The following HIVEP3 variants were observed in gnomAD, a reference collection of about 807,000 sequenced individuals.
HIVEP3 encodes transcription factor HIVEP3.
A neutral mutation model predicts 152.8 loss-of-function variants in HIVEP3; 49 were observed. The observed-to-expected ratio is 0.32, with a 90% CI of 0.26 to 0.41. HIVEP3 has a LOEUF of 0.41. HIVEP3 is among the 10% of genes least tolerant of loss of function. HIVEP3 has a pLI of 1.00. For synonymous variants in HIVEP3, 1,269 were observed against 1,289.0 expected, an observed-to-expected ratio of 0.98 and a Z score of 0.33; for missense variants, 2,790 against 3,103.3, an observed-to-expected ratio of 0.90 and a Z score of 2.40.
At chr1:41,964,628 C>T (rs931114593) in intron 1 of HIVEP3, among the ~76,000 whole-genome samples, 4 of 152,186 alleles carry the variant, frequency 2.6e-5, no homozygotes, top group Non-Finnish European at 4.4e-5. Context: ...GGAATTCCCC[C>T]ACAGGTGCAG....
At chr1:41,903,428 G>A (rs1644657695) in intron 1 of HIVEP3, among the ~76,000 whole-genome samples, 1 of 152,204 alleles carries the variant, frequency 6.6e-6, no homozygotes, top group Non-Finnish European at 1.5e-5. Flanking sequence ...AACAGGAGGT[G>A]ATGTGTGCAA....
At chr1:41,575,438 T>C in intron 5 of HIVEP3, 106 bp downstream of exon 5, 1 of 1,223,416 alleles carries the variant, frequency 8.2e-7, no homozygotes, top group Non-Finnish European at 1.2e-6. Flanking sequence ...ACAGGGCACC[T>C]GTGGGCAGAG....
At chr1:41,597,275 C>G (rs1644681025) in intron 3 of HIVEP3, among the ~76,000 whole-genome samples, 1 of 152,190 alleles carries the variant, frequency 6.6e-6, no homozygotes, top group Non-Finnish European at 1.5e-5. Flanking sequence ...TCTCCTGTGA[C>G]ATCCCCATAG....
At chr1:41,595,836 T>C (rs979401538) in intron 3 of HIVEP3, among the ~76,000 whole-genome samples, 6 of 152,178 alleles carry the variant, frequency 3.9e-5, no homozygotes, top group South Asian at 2.1e-4. Context: ...CCCTCAAACA[T>C]TGGACGCCAA....
chr1:41,941,827 G>A (rs1462075975), intron 1 of HIVEP3, among the ~76,000 whole-genome samples: 2 of 152,152 alleles, frequency 1.3e-5, no homozygotes, highest in Non-Finnish European at 2.9e-5. Context: ...GATCAGGGCT[G>A]GGGCCTGAAC....
intron 1 of HIVEP3, among the ~76,000 whole-genome samples, chr1:41,927,807 G>C (rs1570817771): frequency 6.6e-6 from 1 of 152,066 alleles, no homozygotes; most frequent in Non-Finnish European, 1.5e-5. Context: ...CACGCCTATA[G>C]TCCCAGCACT....
chr1:41,912,877 T>G (rs543203667), intron 1 of HIVEP3, among the ~76,000 whole-genome samples: 1 of 152,342 alleles, frequency 6.6e-6, no homozygotes, highest in South Asian at 2.1e-4. Flanking sequence ...GCTGCACACA[T>G]GTGCAATTTT....
At chr1:41,855,522 C>T (rs1312980447) in intron 1 of HIVEP3, among the ~76,000 whole-genome samples, 2 of 152,088 alleles carry the variant, frequency 1.3e-5, no homozygotes, top group Admixed American at 1.3e-4. Context: ...ACAAACAACC[C>T]CATCAAAAAG....
intron 1 of HIVEP3, among the ~76,000 whole-genome samples, chr1:41,924,003 CT>C (rs1644954225): frequency 6.6e-6 from 1 of 152,040 alleles, no homozygotes; most frequent in Non-Finnish European, 1.5e-5. Context: ...TATCTACCCC[CT>C]AATCCCTAGA....
chr1:41,932,558 TC>T (rs1427231061), intron 1 of HIVEP3, among the ~76,000 whole-genome samples: 1 of 151,946 alleles, frequency 6.6e-6, no homozygotes, highest in Non-Finnish European at 1.5e-5. Context: ...ATAATTTGTA[TC>T]TTCTTTTTTC....
rs1645198222 is a variant in HIVEP3, at chr1:41,966,475, C to CTTTTTTATTTTTTTTTTTTTTTTT, written n.120-47952_120-47951insAAAAAAAAAAAAAAAAATAAAAAA. Among the ~76,000 whole-genome samples the CTTTTTTATTTTTTTTTTTTTTTTT allele has an allele frequency of 2.1e-5, 2 of 95,808 alleles. 1 individual carries two copies. The highest frequency in any genetic ancestry group is 3.9e-5 in the Non-Finnish European group (2 of 51,456). 62.9% of individuals were successfully genotyped at this position (95,808 alleles called of 152,430 possible). On this transcript the variant is annotated intron_variant and non_coding_transcript_variant, in intron 1 of 3. Coordinates refer to the HIVEP3 transcript ENST00000489103. ...TCAAGACCCATCAGTGTGCTGTATT[C>CTTTTTTATTTTTTTTTTTTTTTTT]TTTTTTTTTTTTTTTTGAGATGGAG... is the stretch of plus-strand genomic sequence containing the variant.
chr1:41,627,363 G>C (rs1645132093), intron 3 of HIVEP3, among the ~76,000 whole-genome samples: 4 of 152,216 alleles, frequency 2.6e-5, no homozygotes, highest in African/African-American at 9.6e-5. Flanking sequence ...ACCACTAAGA[G>C]TCGGGGCTGG....
chr1:41,577,196 T>C (rs778647939), intron 4 of HIVEP3, among the ~76,000 whole-genome samples: 6 of 152,198 alleles, frequency 3.9e-5, no homozygotes, highest in Non-Finnish European at 8.8e-5. Context: ...ATTTTAGCTT[T>C]TGATGACAAC....
intron 5 of HIVEP3, chr1:41,543,920 C>A (rs1643595988): frequency 6.6e-6 from 1 of 152,232 alleles, no homozygotes; most frequent in South Asian, 2.1e-4. Context: ...ATGCTGTTCT[C>A]CTCAGGCCTT....
chr1:41,963,450 T>C (rs1446728481), intron 1 of HIVEP3, among the ~76,000 whole-genome samples: 2 of 148,834 alleles, frequency 1.3e-5, no homozygotes, highest in East Asian at 2.0e-4. Flanking sequence ...TCATTTTTCA[T>C]AGGTGGGAAT....
At position 41,664,102 on chromosome 1, in the gene HIVEP3, C is replaced by A. The variant is rs1339715631; in HGVS notation, c.-720-35155G>T. ...CTTTCCCTTTGAAATGTCTTCTCCA[C>A]CCCCTCCAGCTGTCCTTCACACCCT... On this transcript the variant is annotated intron_variant, in intron 2 of 8. Coordinates refer to ENST00000372583, the MANE Select transcript of HIVEP3 (RefSeq NM_024503.5). The surrounding 1 kb of genome is among the most constrained non-coding windows in gnomAD (Gnocchi z 4.4). Among the ~76,000 whole-genome samples, 1 of 152,216 alleles carries A rather than the reference C, an allele frequency of 6.6e-6. No individual in the cohort carries two copies. The highest frequency in any genetic ancestry group is 2.4e-5 in the African/African-American group (1 of 41,446).
intron 1 of HIVEP3, among the ~76,000 whole-genome samples, chr1:41,801,053 A>T (rs1299033472): frequency 2.0e-5 from 3 of 152,220 alleles, no homozygotes; most frequent in African/African-American, 7.2e-5. Context: ...ATAAAGTCAC[A>T]AAGGACTTAA....
Position 41,896,730 on chromosome 1 carries a change from A to G in HIVEP3, c.-801+21683T>C, listed in dbSNP as rs146492188. 2.2e-4 allele frequency among the ~76,000 whole-genome samples: 34 copies of G among 151,962 alleles called. No individual in the cohort carries two copies. In the East Asian group the frequency reaches 6.2e-3, roughly 28 times the overall value. On this transcript the variant is annotated intron_variant, in intron 1 of 8. Transcript: ENST00000372583. ...GCTGAGACCACAAGTGCGTGCCACC[A>G]CACCCGGCTAATTTTTTGTATTTTT... is the stretch of plus-strand genomic sequence containing the variant.
chr1:41,603,410 AG>A (rs1396563393), intron 3 of HIVEP3, among the ~76,000 whole-genome samples: 1 of 149,884 alleles, frequency 6.7e-6, no homozygotes, highest in Non-Finnish European at 1.5e-5. Flanking sequence ...CCCAGGCTGG[AG>A]AGCAGTGGTG....
Sources: gnomAD v4.1 joint callset for allele counts (sites outside exome capture counted in the v4.1 genomes callset) on GRCh38, gnomAD v4.1.1 for gene constraint, Gnocchi (gnomAD v3.1) non-coding constraint, MANE v1.5 for transcripts, NCBI Gene and HGNC (gene_info 2026-07-23, HGNC 2026-07-21) for gene names.